Variants in CDK17 observed in about 807,000 individuals in gnomAD.
The protein encoded by CDK17 is cyclin-dependent kinase 17.
A neutral mutation model predicts 77.6 loss-of-function variants in CDK17; 24 were observed. The ratio of observed to expected loss-of-function variants is 0.31; its 90% CI spans 0.22 to 0.44. The LOEUF (loss-of-function observed/expected upper bound fraction) is 0.44, where lower values mean the gene tolerates loss of function less well. Among genes scored for constraint, CDK17 ranks in the 20% least tolerant of loss-of-function variants. The probability of loss-of-function intolerance (pLI) is 1.00; values close to 1 mark genes in which losing one functional copy is unlikely to be tolerated. For synonymous variants in CDK17, 203 were observed against 210.4 expected, an observed-to-expected ratio of 0.96 and a Z score of 0.30; for missense variants, 429 against 622.5, an observed-to-expected ratio of 0.69 and a Z score of 3.31.
chr12:96,292,654 G>C (rs1952341394), intron 10 of CDK17, among the ~76,000 whole-genome samples: 1 of 152,000 alleles, frequency 6.6e-6, no homozygotes, highest in East Asian at 1.9e-4. Context: ...AAAAAATTAT[G>C]AATTTAGTTA....
chr12:96,353,850 T>C (rs1438003677), intron 1 of CDK17, among the ~76,000 whole-genome samples: 1 of 151,932 alleles, frequency 6.6e-6, no homozygotes, highest in Non-Finnish European at 1.5e-5. Flanking sequence ...GGAAGTAAGT[T>C]TGGGGGAAAA....
At chr12:96,399,716 G>C (rs1954227903) in intron 1 of CDK17, among the ~76,000 whole-genome samples, 1 of 152,044 alleles carries the variant, frequency 6.6e-6, no homozygotes, top group Non-Finnish European at 1.5e-5. Context: ...TATATCTGTC[G>C]GCGCCTCCTG....
chr12:96,361,402 A>T (rs1327317512), intron 1 of CDK17, among the ~76,000 whole-genome samples: 1 of 152,200 alleles, frequency 6.6e-6, no homozygotes, highest in Non-Finnish European at 1.5e-5. Context: ...GCAAAATCTA[A>T]CAGGAAACTA....
intron 1 of CDK17, among the ~76,000 whole-genome samples, chr12:96,384,403 T>C (rs973316696): frequency 6.6e-6 from 1 of 152,224 alleles, no homozygotes; most frequent in Admixed American, 6.5e-5. Flanking sequence ...ATCCCATTAC[T>C]GGGTATATAC....
intron 4 of CDK17, among the ~76,000 whole-genome samples, chr12:96,312,434 G>A (rs1952656351): frequency 6.6e-6 from 1 of 151,978 alleles, no homozygotes; most frequent in Non-Finnish European, 1.5e-5. Context: ...TCATCTATAA[G>A]GTGAAGAAAA....
At chr12:96,342,599 G>A (rs896252118) in intron 1 of CDK17, among the ~76,000 whole-genome samples, 2 of 152,094 alleles carry the variant, frequency 1.3e-5, no homozygotes, top group Admixed American at 1.3e-4. Flanking sequence ...TGAAGTGATT[G>A]TACAAAACAC....
intron 15 of CDK17, chr12:96,281,727 A>T (rs1161380918): frequency 6.6e-6 from 1 of 152,252 alleles, no homozygotes; most frequent in East Asian, 1.9e-4. Flanking sequence ...AATCTCTGTC[A>T]GAGAGGTATT....
chr12:96,354,643 G>A (rs1234647232), intron 1 of CDK17, among the ~76,000 whole-genome samples: 1 of 152,152 alleles, frequency 6.6e-6, no homozygotes, highest in Non-Finnish European at 1.5e-5. Flanking sequence ...GACTCGAGAG[G>A]CTGAGGCGGG....
chr12:96,280,353 G>A (rs1952159504), intron 16 of CDK17, 74 bp from the exon 17 acceptor site: 10 of 1,531,954 alleles, frequency 6.5e-6, no homozygotes, highest in Non-Finnish European at 8.8e-6. Context: ...TGGTGACTAG[G>A]AAGCTAATGT....
rs1953023434 is a variant in CDK17, at chr12:96,335,028, C to T, written c.-29-163G>A. 1.8e-5 allele frequency: 12 copies of T among 671,044 alleles called. No individual in the cohort carries two copies. The East Asian group carries it at 3.2e-4, about 18-fold the overall frequency. The allele number at this position is 671,044 out of a possible 1,614,324, so 41.6% of individuals were successfully genotyped here. On this transcript the variant is annotated intron_variant, in intron 1 of 16. Transcript: ENST00000261211. Reference sequence around the variant, plus strand: ...CAACCCCTTTTTTAAAAAGATTCACCTACTCCGAATAATGCTGTATTTATT... The same window carrying T: ...CAACCCCTTTTTTAAAAAGATTCACTTACTCCGAATAATGCTGTATTTATT...
In CDK17 at chr12:96,278,557, A is replaced by T. The variant is rs760100039; in HGVS notation, c.*1685T>A. 1 of 152,576 alleles carries T rather than the reference A, an allele frequency of 6.6e-6. No individual in the cohort carries two copies. The highest frequency in any genetic ancestry group is 1.5e-5 in the Non-Finnish European group (1 of 67,990). 9.5% of individuals were successfully genotyped at this position (152,576 alleles called of 1,614,324 possible). A position where few individuals can be genotyped will look rare whatever the true frequency, so the allele number is the denominator to read the frequency against. On this transcript the variant is annotated 3_prime_UTR_variant, in exon 17 of 17. Transcript: ENST00000261211. ...CTGTGACTCAATAAAACCACATTTTAACAACATGGAGATTTTGTTATTATA... is the reference window on the plus strand; with the variant it reads ...CTGTGACTCAATAAAACCACATTTTTACAACATGGAGATTTTGTTATTATA...
chr12:96,285,858 G>A, intron 13 of CDK17, 185 bp downstream of exon 13: 2 of 340,734 alleles, frequency 5.9e-6, no homozygotes, highest in East Asian at 9.9e-5. Context: ...CTTCTTTCTG[G>A]GAAAAGTAAC....
At chr12:96,354,485 T>G (rs941318839) in intron 1 of CDK17, among the ~76,000 whole-genome samples, 1 of 152,342 alleles carries the variant, frequency 6.6e-6, no homozygotes, top group East Asian at 1.9e-4. Flanking sequence ...CCACAATCAA[T>G]GCATCACCAA....
At chr12:96,382,942 AT>A (rs376815695) in intron 1 of CDK17, among the ~76,000 whole-genome samples, 11 of 152,162 alleles carry the variant, frequency 7.2e-5, no homozygotes, top group African/African-American at 2.7e-4. Flanking sequence ...AGAAAAAAAA[AT>A]CAAAGGCATC....
chr12:96,380,464 T>G (rs1272855109), intron 1 of CDK17, among the ~76,000 whole-genome samples: 1 of 152,044 alleles, frequency 6.6e-6, no homozygotes, highest in East Asian at 1.9e-4. Context: ...AATTTTTGTA[T>G]TTTTAGTAGA....
At chr12:96,368,818 G>GGGGGGGGGC (rs1565838962) in intron 1 of CDK17, among the ~76,000 whole-genome samples, 2 of 95,516 alleles carry the variant, frequency 2.1e-5, no homozygotes, top group African/African-American at 7.3e-5. Flanking sequence ...GGGGGGGGGG[G>GGGGGGGGGC]GGGGGGCACA....
At chr12:96,394,827 G>A (rs1405473092) in intron 1 of CDK17, among the ~76,000 whole-genome samples, 1 of 149,220 alleles carries the variant, frequency 6.7e-6, no homozygotes, top group Admixed American at 6.7e-5. Flanking sequence ...AAAAAAGGTA[G>A]ACAAAAAATA....
chr12:96,379,352 T>C (rs1172142948), intron 1 of CDK17, among the ~76,000 whole-genome samples: 5 of 152,212 alleles, frequency 3.3e-5, no homozygotes, highest in Non-Finnish European at 7.3e-5. Context: ...ACAATTAATG[T>C]TTATATTCTT....
intron 1 of CDK17, among the ~76,000 whole-genome samples, chr12:96,377,503 A>C (rs1953798412): frequency 6.6e-6 from 1 of 152,164 alleles, no homozygotes; most frequent in South Asian, 2.1e-4. Context: ...AAAATGTCCA[A>C]TGTCATTGAT....
Sources: allele counts gnomAD v4.1 joint callset (sites outside exome capture counted in the v4.1 genomes callset), GRCh38; gene constraint gnomAD v4.1.1; transcripts MANE v1.5; gene names NCBI Gene and HGNC (gene_info 2026-07-23, HGNC 2026-07-21).